CEP112: variants seen among roughly 807,000 people sequenced by gnomAD.
CEP112 encodes the protein centrosomal protein of 112 kDa.
In CEP112, 127 loss-of-function variants were observed where a neutral mutation model predicts 153.0. The ratio of observed to expected loss-of-function variants is 0.83; its 90% CI spans 0.72 to 0.96. The LOEUF (loss-of-function observed/expected upper bound fraction) is 0.96. CEP112 is among the 40% of genes least tolerant of loss of function. CEP112 has a pLI of 0.00. For missense variants in CEP112, 1,089 were observed against 1,101.2 expected (o/e 0.99, Z 0.16); for synonymous variants, 358 against 374.4 (o/e 0.96, Z 0.51).
intron 8 of CEP112, among the ~76,000 whole-genome samples, chr17:66,079,309 G>A (rs1363770894): frequency 6.6e-6 from 1 of 151,902 alleles, no homozygotes; most frequent in African/African-American, 2.4e-5. Flanking sequence ...ACACACACAA[G>A]GTTATTCATA....
chr17:65,675,653 T>C (rs2047197940), intron 24 of CEP112, among the ~76,000 whole-genome samples: 1 of 151,958 alleles, frequency 6.6e-6, no homozygotes. Flanking sequence ...TATAGGCCAA[T>C]ATCCCTGAGA....
chr17:65,846,403 T>G (rs2057725939), intron 21 of CEP112, among the ~76,000 whole-genome samples: 1 of 152,194 alleles, frequency 6.6e-6, no homozygotes, highest in African/African-American at 2.4e-5. Context: ...ATCAAAACAC[T>G]AAAAGAACAT....
chr17:66,036,113 A>T (rs1443289), intron 12 of CEP112, among the ~76,000 whole-genome samples: 141,059 of 152,300 alleles, frequency 0.93, 65,563 homozygotes, highest in East Asian at 0.97. Context: ...AAGGTAGTCA[A>T]GGAGGGACAA....
intron 6 of CEP112, among the ~76,000 whole-genome samples, chr17:66,100,430 T>C (rs375534587): frequency 3.7e-5 from 5 of 133,526 alleles, no homozygotes; most frequent in African/African-American, 1.4e-4. Flanking sequence ...AAAAAAAGAG[T>C]TGTCCAAGAG....
At chr17:66,064,175 G>C (rs1360209515) in intron 10 of CEP112, among the ~76,000 whole-genome samples, 1 of 152,172 alleles carries the variant, frequency 6.6e-6, no homozygotes, top group Non-Finnish European at 1.5e-5. Flanking sequence ...TGTTCACGGA[G>C]AAGAAAGAGA....
chr17:66,050,338 T>C (rs554493894), intron 12 of CEP112, among the ~76,000 whole-genome samples: 1 of 152,138 alleles, frequency 6.6e-6, no homozygotes, highest in Non-Finnish European at 1.5e-5. Flanking sequence ...GTTTTACAAT[T>C]TGGACACTCA....
intron 19 of CEP112, among the ~76,000 whole-genome samples, chr17:65,925,685 T>C (rs2060897572): frequency 6.6e-6 from 1 of 152,240 alleles, no homozygotes. Flanking sequence ...TCTGTGATAC[T>C]CCTTCCAGGC....
chr17:66,079,444 T>C (rs1309162834), intron 8 of CEP112, among the ~76,000 whole-genome samples: 1 of 152,184 alleles, frequency 6.6e-6, no homozygotes, highest in African/African-American at 2.4e-5. Context: ...CAACAATGCC[T>C]CTAACATACT....
At chr17:65,844,453 G>A (rs1226320591) in intron 21 of CEP112, among the ~76,000 whole-genome samples, 1 of 152,048 alleles carries the variant, frequency 6.6e-6, no homozygotes, top group Admixed American at 6.5e-5. Context: ...TAGGAGTCAA[G>A]GTGGGCGGAT....
At chr17:66,027,831 CA>C (rs2065281716) in intron 15 of CEP112, among the ~76,000 whole-genome samples, 1 of 151,872 alleles carries the variant, frequency 6.6e-6, no homozygotes, top group African/African-American at 2.4e-5. Context: ...GAGATTACTT[CA>C]AAAATGACCA....
intron 19 of CEP112, among the ~76,000 whole-genome samples, chr17:65,917,243 A>G (rs2060526966): frequency 1.3e-5 from 2 of 152,190 alleles, no homozygotes; most frequent in African/African-American, 4.8e-5. Flanking sequence ...ACAGGGGCTG[A>G]TATGTAGCTG....
At chr17:66,168,143 T>C (rs772311304) in intron 4 of CEP112, among the ~76,000 whole-genome samples, 2 of 152,124 alleles carry the variant, frequency 1.3e-5, no homozygotes, top group African/African-American at 2.4e-5. Flanking sequence ...AGAAATACCA[T>C]AGACACATTT....
At chr17:65,670,325 C>G (rs1282765633) in intron 24 of CEP112, among the ~76,000 whole-genome samples, 1 of 151,388 alleles carries the variant, frequency 6.6e-6, no homozygotes, top group East Asian at 1.9e-4. Flanking sequence ...CTGTTTGGGT[C>G]CTGTTACTTT....
intron 20 of CEP112, among the ~76,000 whole-genome samples, chr17:65,864,687 C>A (rs1402754167): frequency 6.6e-6 from 1 of 152,162 alleles, no homozygotes; most frequent in African/African-American, 2.4e-5. Flanking sequence ...AAGGCTGAGG[C>A]GTGCCTGCTC....
intron 21 of CEP112, among the ~76,000 whole-genome samples, chr17:65,833,538 T>C (rs780031587): frequency 1.3e-5 from 2 of 152,114 alleles, no homozygotes; most frequent in South Asian, 2.1e-4. Flanking sequence ...CTAAAATCAC[T>C]AGTATTCCTG....
chr17:66,023,403 T>C (rs971026884), intron 16 of CEP112, among the ~76,000 whole-genome samples: 14 of 152,018 alleles, frequency 9.2e-5, no homozygotes, highest in African/African-American at 2.2e-4. Context: ...CCAGAAGAGA[T>C]TGGGATCCGA....
At chr17:65,889,586 C>T (rs1324764701) in intron 20 of CEP112, among the ~76,000 whole-genome samples, 1 of 152,066 alleles carries the variant, frequency 6.6e-6, no homozygotes, top group East Asian at 1.9e-4. Context: ...AGCAGTGTGT[C>T]TCTTCTTCTA....
At chr17:65,835,697 T>G (rs2146166752) in intron 21 of CEP112, among the ~76,000 whole-genome samples, 1 of 152,318 alleles carries the variant, frequency 6.6e-6, no homozygotes, top group Non-Finnish European at 1.5e-5. Context: ...ACCAGACCTG[T>G]CTTACACAAA....
At chr17:66,065,921 G>A (rs185174391) in intron 10 of CEP112, among the ~76,000 whole-genome samples, 3 of 152,172 alleles carry the variant, frequency 2.0e-5, no homozygotes, top group East Asian at 1.9e-4. Context: ...AAGCCACCGC[G>A]CCCGGCCTAA....
Sources: allele counts gnomAD v4.1 joint callset (sites outside exome capture counted in the v4.1 genomes callset), GRCh38; gene constraint gnomAD v4.1.1; transcripts MANE v1.5; gene names NCBI Gene and HGNC (gene_info 2026-07-23, HGNC 2026-07-21).